NAV3: variants seen among roughly 807,000 people sequenced by gnomAD.
NAV3 encodes pore membrane and/or filament interacting like protein 1.
Under a neutral mutation model 244.7 loss-of-function variants are expected in NAV3, and 87 were observed. The observed-to-expected ratio is 0.36, with a 90% CI of 0.30 to 0.42. NAV3 has a LOEUF of 0.42. Ranked by LOEUF, NAV3 falls within the 20% of genes least tolerant of loss-of-function variation. The pLI, the probability that NAV3 is intolerant of heterozygous loss-of-function variation, is 1.00. For missense variants in NAV3, 2,663 were observed against 2,893.3 expected (o/e 0.92, Z 1.83); for synonymous variants, 1,126 against 1,042.2 (o/e 1.08, Z -1.55).
At chr12:77,754,778 C>G (rs893584298) in intron 2 of NAV3, among the ~76,000 whole-genome samples, 1 of 152,154 alleles carries the variant, frequency 6.6e-6, no homozygotes, top group Non-Finnish European at 1.5e-5. Flanking sequence ...GGATGTCTTA[C>G]AAGACCAGTG....
Position 78,049,986 on chromosome 12 carries a change from T to G in NAV3, c.2024-7T>G, listed in dbSNP as rs1441370778. 6.3e-7 allele frequency: 1 copy of G among 1,594,526 alleles called. No homozygotes were observed. The highest frequency in any genetic ancestry group is 8.5e-7 in the Non-Finnish European group (1 of 1,171,418). On this transcript the variant is annotated splice_region_variant and splice_polypyrimidine_tract_variant and intron_variant, in intron 9 of 39. Transcript: ENST00000397909. ...TGAATAGCAAATTTATCATATTGCT[T>G]TCCTAGGTGAAGACCCTGAAACAAG... is the stretch of plus-strand genomic sequence containing the variant.
chr12:78,160,540 T>C (rs1272207870), intron 23 of NAV3, among the ~76,000 whole-genome samples: 1 of 152,094 alleles, frequency 6.6e-6, no homozygotes, highest in Non-Finnish European at 1.5e-5. Flanking sequence ...CCTCTATCTA[T>C]CCATAGGAAT....
chr12:77,610,320 A>G (rs1000387803), intron 2 of NAV3, among the ~76,000 whole-genome samples: 1 of 152,062 alleles, frequency 6.6e-6, no homozygotes, highest in Non-Finnish European at 1.5e-5. Flanking sequence ...TCTGATATAT[A>G]TACATTTAAG....
intron 5 of NAV3, among the ~76,000 whole-genome samples, chr12:77,987,746 C>G (rs996106203): frequency 6.6e-6 from 1 of 152,130 alleles, no homozygotes; most frequent in African/African-American, 2.4e-5. Flanking sequence ...ACTGCACCAT[C>G]AAGATACAGT....
At chr12:78,104,341 C>T (rs1954693459) in intron 12 of NAV3, among the ~76,000 whole-genome samples, 1 of 152,150 alleles carries the variant, frequency 6.6e-6, no homozygotes, top group African/African-American at 2.4e-5. Context: ...CTACAAATGG[C>T]ATTTTCCTCA....
intron 1 of NAV3, among the ~76,000 whole-genome samples, chr12:77,921,690 T>G (rs1373057220): frequency 6.6e-6 from 1 of 152,114 alleles, no homozygotes; most frequent in Non-Finnish European, 1.5e-5. Context: ...AATGATATAT[T>G]TTTATGAGGA....
chr12:77,717,559 G>T (rs1434136169), intron 2 of NAV3, among the ~76,000 whole-genome samples: 1 of 151,968 alleles, frequency 6.6e-6, no homozygotes, highest in Non-Finnish European at 1.5e-5. Context: ...ATCTTGGCTA[G>T]TATGACTAAT....
At chr12:78,097,366 T>C (rs1368328565) in intron 12 of NAV3, among the ~76,000 whole-genome samples, 2 of 152,208 alleles carry the variant, frequency 1.3e-5, no homozygotes, top group Non-Finnish European at 1.5e-5. Flanking sequence ...AATGGCCATT[T>C]TGAAAGCATG....
intron 3 of NAV3, among the ~76,000 whole-genome samples, chr12:77,952,483 G>A (rs1239871918): frequency 1.3e-5 from 2 of 152,006 alleles, no homozygotes; most frequent in Non-Finnish European, 2.9e-5. Context: ...ACCCCACACT[G>A]TCTTGATTAC....
At chr12:77,966,438 C>T (rs529461662) in intron 4 of NAV3, 137 bp downstream of exon 4, 14 of 676,770 alleles carry the variant, frequency 2.1e-5, no homozygotes, top group South Asian at 4.0e-5. Flanking sequence ...TCAAGACAAC[C>T]GAAACATAAA....
intron 2 of NAV3, among the ~76,000 whole-genome samples, chr12:77,606,813 G>A (rs696454): frequency 0.033 from 5,017 of 152,104 alleles, 121 homozygotes; most frequent in Middle Eastern, 0.054. Flanking sequence ...GCTGTAATCC[G>A]TTAGAGCAAG....
chr12:78,071,680 C>G (rs914682764), intron 12 of NAV3, among the ~76,000 whole-genome samples: 3 of 152,076 alleles, frequency 2.0e-5, no homozygotes, highest in Non-Finnish European at 4.4e-5. Flanking sequence ...CCAGTTTCAG[C>G]TTTCTACATA....
chr12:77,854,901 G>A (rs1000165398), intron 1 of NAV3, among the ~76,000 whole-genome samples: 1 of 152,110 alleles, frequency 6.6e-6, no homozygotes, highest in Non-Finnish European at 1.5e-5. Flanking sequence ...GTGGAGGCAG[G>A]CAGATCACGA....
chr12:77,719,001 A>G (rs1249655040), intron 2 of NAV3, among the ~76,000 whole-genome samples: 4 of 152,112 alleles, frequency 2.6e-5, no homozygotes, highest in Admixed American at 6.6e-5. Context: ...TCTTTCAGCA[A>G]TGTTTTGCAG....
chr12:77,896,944 C>T (rs1884693994), intron 1 of NAV3, among the ~76,000 whole-genome samples: 1 of 152,192 alleles, frequency 6.6e-6, no homozygotes, highest in Non-Finnish European at 1.5e-5. Context: ...ACATCAGACT[C>T]TTCAATCCCT....
At chr12:77,799,438 A>G (rs576746317) in intron 2 of NAV3, among the ~76,000 whole-genome samples, 3 of 152,318 alleles carry the variant, frequency 2.0e-5, no homozygotes, top group Non-Finnish European at 4.4e-5. Flanking sequence ...ATTATTGCCC[A>G]ATTTTAACTT....
rs552506186 is a variant in NAV3 at position 77,626,932 on chromosome 12, A to G, written c.72+54666A>G. Among the ~76,000 whole-genome samples, 11 of 152,312 alleles carry G rather than the reference A, an allele frequency of 7.2e-5. No individual in the cohort carries two copies. The East Asian group carries it at 2.1e-3, about 29-fold the overall frequency. On this transcript the variant is annotated intron_variant, in intron 2 of 8. Coordinates refer to the NAV3 transcript ENST00000550042. ...GAGAAGGGAGTCAAAAGATATCACT[A>G]CATAAACATACCAAATGGTAAAGCC... is the stretch of plus-strand genomic sequence containing the variant.
intron 12 of NAV3, among the ~76,000 whole-genome samples, chr12:78,060,835 C>T (rs563578601): frequency 1.3e-5 from 2 of 152,156 alleles, no homozygotes; most frequent in East Asian, 3.9e-4. Context: ...AAGTAGAAAA[C>T]GTCATGGGAG....
At chr12:77,664,296 T>G (rs1873614728) in intron 2 of NAV3, among the ~76,000 whole-genome samples, 1 of 152,204 alleles carries the variant, frequency 6.6e-6, no homozygotes, top group Admixed American at 6.5e-5. Context: ...CAGAACAGTT[T>G]TCTAGTCCTG....
Sources: gnomAD v4.1 joint callset for allele counts (sites outside exome capture counted in the v4.1 genomes callset) on GRCh38, gnomAD v4.1.1 for gene constraint, MANE v1.5 for transcripts, NCBI Gene and HGNC (gene_info 2026-07-23, HGNC 2026-07-21) for gene names.